The following ME1 variants were observed in gnomAD, a reference collection of about 807,000 sequenced individuals.
The protein encoded by ME1 is NADP-dependent malic enzyme.
Under a neutral mutation model 66.4 loss-of-function variants are expected in ME1, and 74 were observed. That is an observed-to-expected ratio of 1.11 (90% CI 0.92 to 1.35). The LOEUF (loss-of-function observed/expected upper bound fraction) is 1.35. Among genes scored for constraint, ME1 ranks in the 40% most tolerant of loss-of-function variants. The pLI is 0.00. For synonymous variants in ME1, 251 were observed against 235.6 expected (o/e 1.07, Z -0.60); for missense variants, 750 against 694.1 (o/e 1.08, Z -0.90).
chr6:83,325,375 C>T (rs144740685), intron 5 of ME1, among the ~76,000 whole-genome samples: 1 of 152,148 alleles, frequency 6.6e-6, no homozygotes, highest in Non-Finnish European at 1.5e-5. Context: ...GGCAATCAGG[C>T]AAGAGAAAGA....
At chr6:83,307,975 T>C (rs997301432) in intron 6 of ME1, among the ~76,000 whole-genome samples, 8 of 152,180 alleles carry the variant, frequency 5.3e-5, no homozygotes, top group African/African-American at 1.9e-4. Flanking sequence ...ACCAACTTGA[T>C]AGTATCTCTG....
chr6:83,341,024 C>T (rs540689480), intron 5 of ME1, among the ~76,000 whole-genome samples: 39 of 151,942 alleles, frequency 2.6e-4, no homozygotes, highest in African/African-American at 8.7e-4. Context: ...TGAGAGTCAC[C>T]GGGTGAACGC....
At chr6:83,248,108 GC>G (rs996799897) in intron 7 of ME1, among the ~76,000 whole-genome samples, 334 of 152,190 alleles carry the variant, frequency 2.2e-3, no homozygotes, top group African/African-American at 7.7e-3. Flanking sequence ...GTACCCCAGA[GC>G]CTGACCTCTA....
intron 5 of ME1, among the ~76,000 whole-genome samples, chr6:83,326,695 G>A (rs1768298844): frequency 1.3e-5 from 2 of 152,134 alleles, no homozygotes; most frequent in Non-Finnish European, 2.9e-5. Context: ...ATCATCTCAT[G>A]CCTTTTGGAA....
chr6:83,236,015 C>A (rs1388627419), intron 9 of ME1, among the ~76,000 whole-genome samples: 1 of 151,936 alleles, frequency 6.6e-6, no homozygotes, highest in Non-Finnish European at 1.5e-5. Flanking sequence ...ATATTTCCTT[C>A]TATGACTTTC....
intron 6 of ME1, among the ~76,000 whole-genome samples, chr6:83,259,631 A>T (rs1766845199): frequency 6.6e-6 from 1 of 152,196 alleles, no homozygotes; most frequent in Admixed American, 6.5e-5. Flanking sequence ...TCCGAAGTTG[A>T]CACAAATTAT....
Position 83,352,130 on chromosome 6 carries a change from A to G in ME1, c.372T>C (p.Phe124=). Residue 124 remains phenylalanine, a synonymous_variant, in exon 4 of 14, where the codon TTT becomes TTC. Coordinates refer to ENST00000369705, the MANE Select transcript of ME1 (RefSeq NM_002395.6). ...TATGCCCTCGATCGTGGATAGTAAT[A>G]AAGAGACCTCTGCAGAAAAAAAAAA... ...SLVFRKPRGL[F]ITIHDRGHIA... 3.9e-6 allele frequency: 6 copies of G among 1,544,554 alleles called. No homozygotes were observed. Among genetic ancestry groups the G allele is most frequent in the Non-Finnish European group, 1.7e-6 (2 of 1,144,398 alleles).
intron 3 of ME1, among the ~76,000 whole-genome samples, chr6:83,386,638 T>G (rs1769508176): frequency 6.6e-6 from 1 of 151,878 alleles, no homozygotes; most frequent in Non-Finnish European, 1.5e-5. Flanking sequence ...ACATTATAAT[T>G]GTCAAATAAC....
intron 5 of ME1, among the ~76,000 whole-genome samples, chr6:83,344,855 C>T (rs986913459): frequency 3.3e-5 from 5 of 151,298 alleles, no homozygotes; most frequent in African/African-American, 9.7e-5. Context: ...GTACTCCAGC[C>T]TGGGTGACAG....
chr6:83,303,127 G>C (rs1481625449), intron 6 of ME1, among the ~76,000 whole-genome samples: 1 of 152,044 alleles, frequency 6.6e-6, no homozygotes, highest in East Asian at 1.9e-4. Flanking sequence ...TCACAGAAGA[G>C]ACCCAAGAAT....
chr6:83,425,642 A>G (rs2127698229), intron 1 of ME1, among the ~76,000 whole-genome samples: 1 of 152,282 alleles, frequency 6.6e-6, no homozygotes, highest in Admixed American at 6.5e-5. Flanking sequence ...CCCTCCCACA[A>G]CACATGGGGA....
chr6:83,311,475 G>T (rs1314193241), intron 6 of ME1, among the ~76,000 whole-genome samples: 3 of 152,126 alleles, frequency 2.0e-5, no homozygotes, highest in African/African-American at 7.2e-5. Flanking sequence ...TGACTGAAAT[G>T]CCAGGAATGC....
At chr6:83,392,353 C>T (rs1376460665) in intron 3 of ME1, 25 of 521,824 alleles carry the variant, frequency 4.8e-5, no homozygotes, top group South Asian at 3.1e-4. Flanking sequence ...TCCATGGCAC[C>T]GTCAAGGCTG....
intron 6 of ME1, among the ~76,000 whole-genome samples, chr6:83,269,276 C>T (rs992387375): frequency 2.6e-5 from 4 of 151,810 alleles, no homozygotes. Flanking sequence ...ACTGTACATG[C>T]AAGTATATAA....
chr6:83,343,416 A>G (rs1768627461), intron 5 of ME1, among the ~76,000 whole-genome samples: 1 of 152,236 alleles, frequency 6.6e-6, no homozygotes, highest in Non-Finnish European at 1.5e-5. Context: ...TGACAAAGGT[A>G]TTCTCCGGTG....
At chr6:83,269,703 G>A (rs898505467) in intron 6 of ME1, among the ~76,000 whole-genome samples, 4 of 152,036 alleles carry the variant, frequency 2.6e-5, no homozygotes, top group Non-Finnish European at 5.9e-5. Context: ...AGTAACTAAC[G>A]CATTCTGGTT....
At chr6:83,286,492 T>C (rs1767398678) in intron 6 of ME1, among the ~76,000 whole-genome samples, 1 of 152,140 alleles carries the variant, frequency 6.6e-6, no homozygotes. Flanking sequence ...CATGATAACA[T>C]TTGAATACAT....
chr6:83,292,722 T>C (rs1279207549), intron 6 of ME1, among the ~76,000 whole-genome samples: 1 of 152,156 alleles, frequency 6.6e-6, no homozygotes. Flanking sequence ...ATATGCTCTG[T>C]CCCCAGAGGT....
intron 6 of ME1, among the ~76,000 whole-genome samples, chr6:83,278,857 A>C (rs950770277): frequency 1.1e-4 from 16 of 152,160 alleles, no homozygotes; most frequent in Non-Finnish European, 1.9e-4. Context: ...AATGGGGTTC[A>C]CCAAAGCCTA....
Sources: allele counts gnomAD v4.1 joint callset (sites outside exome capture counted in the v4.1 genomes callset), GRCh38; gene constraint gnomAD v4.1.1; transcripts MANE v1.5; gene names NCBI Gene and HGNC (gene_info 2026-07-23, HGNC 2026-07-21).